The following ARHGAP27 variants were observed in gnomAD, a reference collection of about 807,000 sequenced individuals.
ARHGAP27 encodes the protein Rho GTPase activating protein 27, also known as rho GTPase-activating protein 27.
Under a neutral mutation model 102.0 loss-of-function variants are expected in ARHGAP27, and 53 were observed. The ratio of observed to expected loss-of-function variants is 0.52; its 90% CI spans 0.42 to 0.65. The LOEUF (loss-of-function observed/expected upper bound fraction) is 0.65. Ranked by LOEUF, ARHGAP27 falls within the 30% of genes least tolerant of loss-of-function variation. ARHGAP27 has a pLI of 0.00. For missense variants in ARHGAP27, 1,117 were observed against 1,256.2 expected, an observed-to-expected ratio of 0.89 and a Z score of 1.68; for synonymous variants, 525 against 542.8, an observed-to-expected ratio of 0.97 and a Z score of 0.46.
intron 19 of ARHGAP27, 28 bp from the exon 20 acceptor site, chr17:45,395,661 C>G (rs1158698458): frequency 6.3e-7 from 1 of 1,582,706 alleles, no homozygotes; most frequent in South Asian, 1.1e-5. Context: ...GGGTTCAGGG[C>G]TCCGAACTGC....
chr17:45,395,861 A>T lies in ARHGAP27; in HGVS notation c.2387-12T>A. ...CTGGTCCTGCAACTCTGGGTGAGGG[A>T]AGGTTTAGAGGGAGGGAGTCGGAAC... On this transcript the variant is annotated splice_polypyrimidine_tract_variant and intron_variant, in intron 18 of 19. Transcript: ENST00000685559. The T allele has an allele frequency of 6.3e-7, 1 of 1,597,242 alleles. No individual in the cohort carries two copies. The highest frequency in any genetic ancestry group is 1.7e-5 in the Admixed American group (1 of 58,082).
chr17:45,415,062 CAAAAAA>C (rs546453138), intron 4 of ARHGAP27, among the ~76,000 whole-genome samples: 1 of 61,308 alleles, frequency 1.6e-5, no homozygotes, highest in African/African-American at 6.2e-5. Flanking sequence ...GAGTCCATCT[CAAAAAA>C]AAAAAAAAAA....
In ARHGAP27 at chr17:45,420,364, TTAAG is replaced by T. The variant is rs1236290435; in HGVS notation, c.657+9255_657+9258del. Among the ~76,000 whole-genome samples, 3 of 152,218 alleles carry T rather than the reference TTAAG, an allele frequency of 2.0e-5. No homozygotes were observed. In the East Asian group the frequency reaches 5.8e-4, roughly 29 times the overall value. On this transcript the variant is annotated intron_variant, in intron 4 of 19. Coordinates refer to ENST00000685559, the MANE Select transcript of ARHGAP27 (RefSeq NM_001282290.2). ...GGACGGTGTTGCTTGAGAGAGAAAA[TTAAG>T]TAATCAGATACATAATTATACTAGT... is the stretch of plus-strand genomic sequence containing the variant.
At chr17:45,417,985 G>A (rs1014454398) in intron 4 of ARHGAP27, among the ~76,000 whole-genome samples, 1 of 148,992 alleles carries the variant, frequency 6.7e-6, no homozygotes, top group East Asian at 2.0e-4. Flanking sequence ...ACTCGGGAGC[G>A]GAGATCGTGC....
At chr17:45,402,385 G>A (rs1279251778) in intron 12 of ARHGAP27, among the ~76,000 whole-genome samples, 3 of 152,190 alleles carry the variant, frequency 2.0e-5, no homozygotes, top group Non-Finnish European at 4.4e-5. Context: ...CAGAATATGT[G>A]ATGTTAGAAA....
Position 45,396,978 on chromosome 17 carries a change from A to G in ARHGAP27, c.1889T>C (p.Phe630Ser), listed in dbSNP as rs2045818193. The change falls in exon 14 of 20, where the codon TTC (phenylalanine) becomes TCC (serine). Residue 630 changes from phenylalanine (F) to serine (S), a missense_variant. Physicochemically the swap from Phe to Ser is radical, Grantham distance 155. Transcript: ENST00000685559. ...PEESESSRVDFGSSERLGSWQ... is the reference protein window; with the variant it reads ...PEESESSRVDSGSSERLGSWQ... ...GCTTCCCAAGCGCTCGCTCGACCCG[A>G]AGTCCACTCTGCTGCTCTCGCTCTC... The G allele has an allele frequency of 6.2e-7, 1 of 1,605,170 alleles. No individual in the cohort carries two copies. Among genetic ancestry groups the G allele is most frequent in the South Asian group, 1.1e-5 (1 of 91,092 alleles).
At chr17:45,405,201 G>A in intron 5 of ARHGAP27, 95 bp from the exon 6 acceptor site, 3 of 1,352,832 alleles carry the variant, frequency 2.2e-6, no homozygotes, top group Non-Finnish European at 3.0e-6. Flanking sequence ...TTGCCTTCTG[G>A]TCCCTGAGGC....
intron 4 of ARHGAP27, among the ~76,000 whole-genome samples, chr17:45,418,461 C>A (rs2048703464): frequency 6.6e-6 from 1 of 151,816 alleles, no homozygotes; most frequent in Non-Finnish European, 1.5e-5. Context: ...CAGAGCGAGA[C>A]CCTGTCTCAA....
Position 45,396,753 on chromosome 17 carries a change from G to A in ARHGAP27, c.1989C>T (p.Asp663=). 3.1e-6 allele frequency: 5 copies of A among 1,613,692 alleles called. No homozygotes were observed. Among genetic ancestry groups the A allele is most frequent in the Non-Finnish European group, 4.2e-6 (5 of 1,179,744 alleles). ...PALGPVGLES[D]LSKVRHKLRK... ...GGAGCTTGTGCCGGACCTTGCTCAA[G>A]TCGCTCTCCAGGCCCACGGGGCCCA... The change falls in exon 15 of 20, where the codon GAC becomes GAT. Residue 663 remains aspartate (D), a synonymous_variant. Transcript: ENST00000685559.
chr17:45,411,094 T>A (rs1178084812), intron 4 of ARHGAP27, among the ~76,000 whole-genome samples: 2 of 151,930 alleles, frequency 1.3e-5, no homozygotes, highest in Admixed American at 1.3e-4. Context: ...TGTCCCCTCC[T>A]CTCTAAGGAC....
intron 4 of ARHGAP27, among the ~76,000 whole-genome samples, chr17:45,406,928 G>A (rs1350862117): frequency 6.6e-6 from 1 of 152,182 alleles, no homozygotes; most frequent in Non-Finnish European, 1.5e-5. Context: ...CAGCCAGATG[G>A]GCTGGAGAAT....
Position 45,396,003 on chromosome 17 carries a change from C to T in ARHGAP27, c.2366G>A (p.Arg789His), listed in dbSNP as rs771520643. The stretch of plus-strand genomic sequence containing the variant: ...CTCACTGATGGCCGCAATGAACTGG[C>T]GGAAGTGCGAGAAGGGGAAGAGGGG... ...PEPLFPFSHFRQFIAAIKLQD... is the reference protein window; with the variant it reads ...PEPLFPFSHFHQFIAAIKLQD... Residue 789 changes from arginine to histidine, a missense_variant, in exon 18 of 20, where the codon CGC becomes CAC. Coordinates refer to ENST00000685559, the MANE Select transcript of ARHGAP27 (RefSeq NM_001282290.2). 48 of 1,612,012 alleles carry T rather than the reference C, an allele frequency of 3.0e-5. No homozygotes were observed. The highest frequency in any genetic ancestry group is 6.7e-5 in the African/African-American group (5 of 74,904).
At chr17:45,421,591 A>G (rs567893368) in intron 4 of ARHGAP27, among the ~76,000 whole-genome samples, 21 of 152,202 alleles carry the variant, frequency 1.4e-4, no homozygotes, top group Non-Finnish European at 2.2e-4. Flanking sequence ...GCTCCAAATG[A>G]GGGTGCTGAG....
Position 45,416,222 on chromosome 17 carries a change from A to AT in ARHGAP27, c.658-10140dup, listed in dbSNP as rs1273473109. Among the ~76,000 whole-genome samples, 1,100 of 135,494 alleles carry AT rather than the reference A, an allele frequency of 8.1e-3. 5 individuals carry two copies. Among genetic ancestry groups the AT allele is most frequent in the Middle Eastern group, 0.015 (4 of 260 alleles). The allele number at this position is 135,494 out of a possible 152,430, so 88.9% of individuals were successfully genotyped here. A position where few individuals can be genotyped will look rare whatever the true frequency, so the allele number is the denominator to read the frequency against. On this transcript the variant is annotated intron_variant, in intron 4 of 19. Transcript: ENST00000685559. ...CACCAGGCCCAGCTAATTTTTTTGT[A>AT]TTTTTTTTTTTTTAGTAGAGACGGG...
chr17:45,413,793 G>A (rs1208736492), intron 4 of ARHGAP27, among the ~76,000 whole-genome samples: 1 of 152,122 alleles, frequency 6.6e-6, no homozygotes, highest in Non-Finnish European at 1.5e-5. Flanking sequence ...GGGCTGCTGG[G>A]GCCAGGAGGG....
intron 4 of ARHGAP27, among the ~76,000 whole-genome samples, chr17:45,416,721 G>A (rs1414425821): frequency 6.7e-6 from 1 of 150,344 alleles, no homozygotes; most frequent in African/African-American, 2.4e-5. Flanking sequence ...CTAATTTTTT[G>A]TATTTTTAGT....
rs116676569 is a variant in ARHGAP27, at chr17:45,404,094, G to C, written c.1482C>G (p.Thr494=). Residue 494 remains threonine, a splice_region_variant and synonymous_variant, in exon 10 of 20, where the codon ACC becomes ACG. Coordinates refer to ENST00000685559, the MANE Select transcript of ARHGAP27 (RefSeq NM_001282290.2). ...EVSPATAAVR[T]KTLDKAGVLH... ...GCACCCCTGCCTTGTCCAAGGTCTT[G>C]GTCTAAGAGAGAGAAGAGAGAGCAG... The C allele has an allele frequency of 6.2e-7, 1 of 1,614,000 alleles. No individual in the cohort carries two copies.
intron 4 of ARHGAP27, among the ~76,000 whole-genome samples, chr17:45,419,444 T>G (rs1362228632): frequency 6.7e-6 from 1 of 150,124 alleles, no homozygotes; most frequent in Non-Finnish European, 1.5e-5. Flanking sequence ...ATATGCTGTA[T>G]GTACATATAA....
At chr17:45,425,032 G>A (rs1186475796) in intron 4 of ARHGAP27, among the ~76,000 whole-genome samples, 1 of 145,256 alleles carries the variant, frequency 6.9e-6, no homozygotes, top group Non-Finnish European at 1.5e-5. Context: ...GGTGGGCAGG[G>A]AGATCTCTGG....
Sources: allele counts gnomAD v4.1 joint callset (sites outside exome capture counted in the v4.1 genomes callset), GRCh38; gene constraint gnomAD v4.1.1; transcripts MANE v1.5; gene names NCBI Gene and HGNC (gene_info 2026-07-23, HGNC 2026-07-21).